CSGALNACT1: variants seen among roughly 807,000 people sequenced by gnomAD.
The protein encoded by CSGALNACT1 is chondroitin sulfate N-acetylgalactosaminyltransferase 1, also known as beta4GalNAcT-1.
A neutral mutation model predicts 51.0 loss-of-function variants in CSGALNACT1; 52 were observed. That is an observed-to-expected ratio of 1.02 (90% CI 0.82 to 1.29). The LOEUF is 1.29. Among genes scored for constraint, CSGALNACT1 ranks in the 50% most tolerant of loss-of-function variants. The pLI is 0.00. For synonymous variants in CSGALNACT1, 341 were observed against 254.4 expected, an observed-to-expected ratio of 1.34 and a Z score of -3.24; for missense variants, 935 against 679.2, an observed-to-expected ratio of 1.38 and a Z score of -4.19.
At chr8:19,432,939 C>T (rs913934641) in intron 6 of CSGALNACT1, among the ~76,000 whole-genome samples, 1 of 152,008 alleles carries the variant, frequency 6.6e-6, no homozygotes, top group Non-Finnish European at 1.5e-5. Context: ...TCTTTAAGGA[C>T]AAGTTCTAAT....
chr8:19,643,686 T>A (rs1393943486), intron 1 of CSGALNACT1, among the ~76,000 whole-genome samples: 1 of 151,982 alleles, frequency 6.6e-6, no homozygotes, highest in Non-Finnish European at 1.5e-5. Flanking sequence ...GTGAAAATGT[T>A]AATACACAGA....
rs565074564 is a variant in CSGALNACT1 at position 19,637,887 on chromosome 8, G to A, written c.-543-36022C>T. Among the ~76,000 whole-genome samples the A allele has an allele frequency of 5.3e-5, 8 of 149,836 alleles. No individual in the cohort carries two copies. In the East Asian group the frequency reaches 5.8e-4, roughly 11 times the overall value. ...AACATAGAAGAAGTGAGTGCCCAGCGCTGATATTAGTTGAGGTTAGCCACA... is the reference window on the plus strand; with the variant it reads ...AACATAGAAGAAGTGAGTGCCCAGCACTGATATTAGTTGAGGTTAGCCACA... On this transcript the variant is annotated intron_variant, in intron 1 of 9. Coordinates refer to the CSGALNACT1 transcript ENST00000332246.
intron 2 of CSGALNACT1, among the ~76,000 whole-genome samples, chr8:19,593,693 C>T (rs763041784): frequency 4.6e-5 from 7 of 152,202 alleles, no homozygotes; most frequent in Non-Finnish European, 1.0e-4. Context: ...AGACTCAGTA[C>T]AGAGAAAAAG....
chr8:19,738,946 C>T lies in CSGALNACT1; in HGVS notation c.-297+18904G>A, dbSNP rs1325628418. Among the ~76,000 whole-genome samples, 6 of 152,198 alleles carry T rather than the reference C, an allele frequency of 3.9e-5. No homozygotes were observed. The East Asian group carries it at 1.2e-3, about 29-fold the overall frequency. On this transcript the variant is annotated intron_variant, in intron 1 of 1. Coordinates refer to the CSGALNACT1 transcript ENST00000517494. ...ATTACAAGAGACTTCAGAGACTAAA[C>T]AATCAAATGCAATGTGAGGCCCTCC...
At chr8:19,654,144 A>G (rs957644515) in intron 1 of CSGALNACT1, among the ~76,000 whole-genome samples, 1 of 152,230 alleles carries the variant, frequency 6.6e-6, no homozygotes, top group Non-Finnish European at 1.5e-5. Flanking sequence ...GGACCTCCAC[A>G]TTATGACATC....
At chr8:19,706,906 T>G (rs2062203299) in intron 1 of CSGALNACT1, among the ~76,000 whole-genome samples, 1 of 152,106 alleles carries the variant, frequency 6.6e-6, no homozygotes, top group African/African-American at 2.4e-5. Flanking sequence ...AGATTACAGG[T>G]GTGAGCAACT....
At chr8:19,443,801 T>C (rs537973117) in intron 5 of CSGALNACT1, among the ~76,000 whole-genome samples, 9 of 152,204 alleles carry the variant, frequency 5.9e-5, no homozygotes, top group South Asian at 2.1e-4. Context: ...AATCCAGATG[T>C]TCATGGCCCT....
chr8:19,706,427 C>G (rs576875706), intron 1 of CSGALNACT1, among the ~76,000 whole-genome samples: 1 of 152,060 alleles, frequency 6.6e-6, no homozygotes, highest in Non-Finnish European at 1.5e-5. Flanking sequence ...AGTGGAGCCA[C>G]GGCAGCCCAT....
chr8:19,453,098 A>G (rs1276483885), intron 5 of CSGALNACT1, among the ~76,000 whole-genome samples: 1 of 152,216 alleles, frequency 6.6e-6, no homozygotes, highest in Non-Finnish European at 1.5e-5. Context: ...ACATCCCAAG[A>G]ATCAGAATAA....
rs7824941 is a variant in CSGALNACT1 at position 19,616,373 on chromosome 8, A to G, written c.-543-14508T>C. Among the ~76,000 whole-genome samples, 922 of 152,182 alleles carry G rather than the reference A, an allele frequency of 6.1e-3. 11 individuals are homozygous for G. Among genetic ancestry groups the G allele is most frequent in the African/African-American group, 0.021 (891 of 41,492 alleles). On this transcript the variant is annotated intron_variant, in intron 1 of 9. Coordinates refer to the CSGALNACT1 transcript ENST00000332246. ...TCCAGACACTCAGACCCAGACAAAT[A>G]CCATCCCAAGGTACTGATGAGGGGT...
chr8:19,423,914 G>A (rs769822030), intron 6 of CSGALNACT1, among the ~76,000 whole-genome samples: 1 of 152,214 alleles, frequency 6.6e-6, no homozygotes, highest in Non-Finnish European at 1.5e-5. Context: ...GTGGTACCCA[G>A]CTCTGTCCAC....
intron 1 of CSGALNACT1, among the ~76,000 whole-genome samples, chr8:19,756,630 G>A (rs114059355): frequency 0.016 from 2,299 of 143,418 alleles, 66 homozygotes; most frequent in African/African-American, 0.057. Flanking sequence ...CCGATCGCAC[G>A]TCCCCTGGGC....
intron 1 of CSGALNACT1, among the ~76,000 whole-genome samples, chr8:19,756,649 G>A (rs10103941): frequency 0.77 from 115,365 of 150,762 alleles, 44,349 homozygotes; most frequent in Middle Eastern, 0.89. Flanking sequence ...GCATGTTCGG[G>A]CAGCGGTGAC....
chr8:19,582,290 C>T (rs4433157), intron 3 of CSGALNACT1, among the ~76,000 whole-genome samples: 120,599 of 151,874 alleles, frequency 0.79, 48,359 homozygotes, highest in East Asian at 1. Flanking sequence ...AACAGACAAA[C>T]CTGGTAAGGA....
At position 19,543,696 on chromosome 8, in the gene CSGALNACT1, A is replaced by T. The variant is rs548820957; in HGVS notation, c.-296-37566T>A. ...AGCCTTTCATGTACAGTGCACAGGA[A>T]GCTATACATGGATTCCTCCAGACTA... is the stretch of plus-strand genomic sequence containing the variant. On this transcript the variant is annotated intron_variant, in intron 3 of 9. Coordinates refer to ENST00000454498, the Ensembl canonical transcript of CSGALNACT1. Among the ~76,000 whole-genome samples the T allele has an allele frequency of 4.6e-5, 7 of 152,314 alleles. No homozygotes were observed. The South Asian group carries it at 1.2e-3, about 27-fold the overall frequency.
At chr8:19,745,114 A>G (rs2064569175) in intron 1 of CSGALNACT1, among the ~76,000 whole-genome samples, 1 of 152,242 alleles carries the variant, frequency 6.6e-6, no homozygotes, top group Non-Finnish European at 1.5e-5. Context: ...CATCGATGTG[A>G]ATCTCAGTTC....
At chr8:19,741,400 T>C (rs2064304531) in intron 1 of CSGALNACT1, among the ~76,000 whole-genome samples, 1 of 151,910 alleles carries the variant, frequency 6.6e-6, no homozygotes, top group East Asian at 1.9e-4. Context: ...CCGTCTCTAC[T>C]AAAAATACAA....
chr8:19,620,252 T>A (rs142145973), intron 1 of CSGALNACT1, among the ~76,000 whole-genome samples: 2,085 of 141,224 alleles, frequency 0.015, 40 homozygotes, highest in African/African-American at 0.052. Flanking sequence ...GAGGCAGAGG[T>A]TGCAGTTAGC....
chr8:19,428,725 A>G (rs1338058913), intron 6 of CSGALNACT1, among the ~76,000 whole-genome samples: 6 of 152,128 alleles, frequency 3.9e-5, no homozygotes, highest in Admixed American at 1.3e-4. Context: ...AGCACGTTCA[A>G]TTTGGTTCCA....
Sources: allele counts gnomAD v4.1 joint callset (sites outside exome capture counted in the v4.1 genomes callset), GRCh38; gene constraint gnomAD v4.1.1; transcripts MANE v1.5; gene names NCBI Gene and HGNC (gene_info 2026-07-23, HGNC 2026-07-21).